The following LRRK2 variants were observed in gnomAD, a reference collection of about 807,000 sequenced individuals.
The protein encoded by LRRK2 is leucine rich repeat kinase 2.
LRRK2 carries 203 observed loss-of-function variants against 302.6 expected under a neutral mutation model. That is an observed-to-expected ratio of 0.67 (90% CI 0.60 to 0.75). The LOEUF (loss-of-function observed/expected upper bound fraction) is 0.75, where lower values mean the gene tolerates loss of function less well. Among genes scored for constraint, LRRK2 ranks in the 30% least tolerant of loss-of-function variants. The pLI is 0.00. For synonymous variants in LRRK2, 1,066 were observed against 1,031.9 expected (o/e 1.03, Z -0.63); for missense variants, 2,830 against 2,951.0 (o/e 0.96, Z 0.95).
At chr12:40,259,420 G>T in intron 12 of LRRK2, 60 bp from the exon 13 acceptor site, 1 of 1,602,652 alleles carries the variant, frequency 6.2e-7, no homozygotes, top group Non-Finnish European at 8.5e-7. Context: ...TTTCAATTTG[G>T]TGTTTATACC....
intron 39 of LRRK2, among the ~76,000 whole-genome samples, chr12:40,334,691 T>G (rs1333759480): frequency 2.0e-5 from 3 of 152,206 alleles, no homozygotes; most frequent in Non-Finnish European, 4.4e-5. Flanking sequence ...AAGGTTGGTC[T>G]TGCTGTCTCA....
chr12:40,248,748 A>C (rs1942123259), intron 7 of LRRK2, among the ~76,000 whole-genome samples: 1 of 152,198 alleles, frequency 6.6e-6, no homozygotes, highest in Non-Finnish European at 1.5e-5. Context: ...CTGTTTTCTG[A>C]GTCACACAGT....
In LRRK2 at chr12:40,367,904, A is replaced by G; in HGVS notation, c.*139A>G. The G allele has an allele frequency of 1.6e-6, 1 of 637,436 alleles. No homozygotes were observed. 39.5% of individuals were successfully genotyped at this position (637,436 alleles called of 1,614,324 possible). On this transcript the variant is annotated 3_prime_UTR_variant, in exon 51 of 51. Transcript: ENST00000298910. ...GTATGAAGGAATGTTATTATTTTTA[A>G]TTTAAATATATGTAAAAATACTTAC...
chr12:40,266,322 C>G lies in LRRK2; in HGVS notation c.1656+2421C>G, dbSNP rs138910354. ...AATTTACAAGAAAGAAAAAACAACC[C>G]CATCAAAAAGTGGGCAAAGGATATG... is the stretch of plus-strand genomic sequence containing the variant. On this transcript the variant is annotated intron_variant, in intron 14 of 50. Transcript: ENST00000298910. Among the ~76,000 whole-genome samples, 1,226 of 152,204 alleles carry G rather than the reference C, an allele frequency of 8.1e-3. 13 individuals carry two copies. The highest frequency in any genetic ancestry group is 0.028 in the African/African-American group (1,159 of 41,500).
At chr12:40,241,748 CT>C (rs1941730403) in intron 6 of LRRK2, among the ~76,000 whole-genome samples, 1 of 152,190 alleles carries the variant, frequency 6.6e-6, no homozygotes, top group African/African-American at 2.4e-5. Context: ...ATGGAAATCA[CT>C]GTGTCAATCT....
At chr12:40,232,223 C>T in intron 2 of LRRK2, 51 bp from the exon 3 acceptor site, 1 of 1,258,520 alleles carries the variant, frequency 7.9e-7, no homozygotes, top group Non-Finnish European at 1.2e-6. Flanking sequence ...ACTGAGTATG[C>T]TCTATTAACA....
intron 34 of LRRK2, 42 bp from the exon 35 acceptor site, chr12:40,320,992 G>T: frequency 6.2e-7 from 1 of 1,608,960 alleles, no homozygotes. Context: ...AAGGTTGGGT[G>T]TTTTGTGAGG....
At position 40,367,838 on chromosome 12, in the gene LRRK2, C is replaced by T; in HGVS notation, c.*73C>T. 1.4e-6 allele frequency: 2 copies of T among 1,476,842 alleles called. No individual in the cohort carries two copies. Among genetic ancestry groups the T allele is most frequent in the South Asian group, 1.3e-5 (1 of 78,192 alleles). 91.5% of individuals were successfully genotyped at this position (1,476,842 alleles called of 1,614,324 possible). A position where few individuals can be genotyped will look rare whatever the true frequency, so the allele number is the denominator to read the frequency against. On this transcript the variant is annotated 3_prime_UTR_variant, in exon 51 of 51. Transcript: ENST00000298910. ...TGTAAATATTTATTTTAAAAATGTTCACATGGAAAGGGTACTCACATTTTT... is the reference window on the plus strand; with the variant it reads ...TGTAAATATTTATTTTAAAAATGTTTACATGGAAAGGGTACTCACATTTTT...
intron 20 of LRRK2, 84 bp from the exon 21 acceptor site, chr12:40,293,461 A>C: frequency 1.2e-6 from 1 of 846,302 alleles, no homozygotes; most frequent in Admixed American, 2.0e-5. Flanking sequence ...CTAATCTTCC[A>C]TGATTGAACT....
intron 14 of LRRK2, 95 bp downstream of exon 14, chr12:40,263,996 T>G (rs562854767): frequency 1.2e-6 from 1 of 857,628 alleles, no homozygotes; most frequent in East Asian, 2.7e-5. Context: ...TTTTCTGTTC[T>G]CCGTTTGCTA....
chr12:40,309,247 A>G lies in LRRK2; in HGVS notation c.4317+14A>G, dbSNP rs777159194. On this transcript the variant is annotated intron_variant, in intron 30 of 50. Coordinates refer to ENST00000298910, the MANE Select transcript of LRRK2 (RefSeq NM_198578.4). ...TTCAATATAAAGGTGATTTGTTCTG[A>G]TCATTTGAAAATAGAAAATAATTCA... is the stretch of plus-strand genomic sequence containing the variant. The G allele has an allele frequency of 1.2e-6, 2 of 1,611,154 alleles. No individual in the cohort carries two copies. Among genetic ancestry groups the G allele is most frequent in the African/African-American group, 2.7e-5 (2 of 74,198 alleles).
At chr12:40,334,229 CG>C (rs749636753) in intron 39 of LRRK2, among the ~76,000 whole-genome samples, 16 of 152,108 alleles carry the variant, frequency 1.1e-4, no homozygotes, top group Non-Finnish European at 2.2e-4. Flanking sequence ...ATGAGTTTGA[CG>C]TGGCCTGTTA....
At position 40,235,781 on chromosome 12, in the gene LRRK2, G is replaced by A. The variant is rs1022645904; in HGVS notation, c.436+67G>A. 6.3e-6 allele frequency: 4 copies of A among 634,290 alleles called. No individual in the cohort carries two copies. In the African/African-American group the frequency reaches 8.3e-5, roughly 13 times the overall value. 39.3% of individuals were successfully genotyped at this position (634,290 alleles called of 1,614,324 possible). On this transcript the variant is annotated intron_variant, in intron 4 of 50. Coordinates refer to ENST00000298910, the MANE Select transcript of LRRK2 (RefSeq NM_198578.4). Reference sequence around the variant, plus strand: ...AAAAAGTTGATACCATTAAGTAAATGTGTGTGTGTGTGTTTTTTTTTTTTT... The same window carrying A: ...AAAAAGTTGATACCATTAAGTAAATATGTGTGTGTGTGTTTTTTTTTTTTT...
chr12:40,247,698 A>G, intron 7 of LRRK2, among the ~76,000 whole-genome samples: 1 of 56,832 alleles, frequency 1.8e-5, no homozygotes, highest in East Asian at 4.5e-4. Flanking sequence ...ATAAATATAC[A>G]TATTTATACA....
At chr12:40,273,124 C>A (rs796988601) in intron 14 of LRRK2, among the ~76,000 whole-genome samples, 1 of 152,142 alleles carries the variant, frequency 6.6e-6, no homozygotes, top group South Asian at 2.1e-4. Context: ...ACACACCAAA[C>A]CAGCCTTCCA....
intron 23 of LRRK2, among the ~76,000 whole-genome samples, chr12:40,296,415 T>C (rs528964007): frequency 6.6e-6 from 1 of 152,278 alleles, no homozygotes; most frequent in Non-Finnish European, 1.5e-5. Flanking sequence ...GTGGATCTTT[T>C]TGAGTTCAGG....
intron 35 of LRRK2, 85 bp downstream of exon 35, chr12:40,321,273 T>C: frequency 7.8e-7 from 1 of 1,288,062 alleles, no homozygotes; most frequent in Non-Finnish European, 1.1e-6. Flanking sequence ...GGAGATGGCA[T>C]ATGAAAAGTA....
chr12:40,368,392 ATGACATAC>A lies in LRRK2; in HGVS notation c.*630_*637del, dbSNP rs1180186759. The A allele has an allele frequency of 6.6e-6, 1 of 151,912 alleles. No homozygotes were observed. Among genetic ancestry groups the A allele is most frequent in the Non-Finnish European group, 1.5e-5 (1 of 67,744 alleles). 9.4% of individuals were successfully genotyped at this position (151,912 alleles called of 1,614,324 possible). ...CCATTAAAAGTACTAATGAAAAAAC[ATGACATAC>A]TGTCAAAGTCCTCATATCTAGGAAA... On this transcript the variant is annotated 3_prime_UTR_variant, in exon 51 of 51. Transcript: ENST00000298910.
In LRRK2 at chr12:40,285,064, C is replaced by T. The variant is rs539950710; in HGVS notation, c.2500+931C>T. On this transcript the variant is annotated intron_variant, in intron 19 of 50. Transcript: ENST00000298910. ...AGTTCCAATCAGGCTGAATTTTCCT[C>T]GGTTTCTCAAACACTTCGTGTACCC... Among the ~76,000 whole-genome samples the T allele has an allele frequency of 7.9e-5, 12 of 152,186 alleles. 1 individual carries two copies. In the South Asian group the frequency reaches 1.2e-3, roughly 16 times the overall value.
Sources: allele counts gnomAD v4.1 joint callset (sites outside exome capture counted in the v4.1 genomes callset), GRCh38; gene constraint gnomAD v4.1.1; transcripts MANE v1.5; gene names NCBI Gene and HGNC (gene_info 2026-07-23, HGNC 2026-07-21).